Variants in EFCAB11 observed in about 807,000 individuals in gnomAD.
The protein encoded by EFCAB11 is EF-hand calcium binding domain 11.
In EFCAB11, 14 loss-of-function variants were observed where a neutral mutation model predicts 23.0. That is an observed-to-expected ratio of 0.61 (90% CI 0.40 to 0.95). EFCAB11 has a LOEUF of 0.95. Among genes scored for constraint, EFCAB11 ranks in the 40% least tolerant of loss-of-function variants. The probability of loss-of-function intolerance (pLI) is 0.00; values close to 1 mark genes in which losing one functional copy is unlikely to be tolerated. For synonymous variants in EFCAB11, 65 were observed against 66.6 expected (o/e 0.98, Z 0.11); for missense variants, 198 against 195.8 (o/e 1.01, Z -0.07).
At chr14:89,949,449 CT>C in intron 3 of EFCAB11, among the ~76,000 whole-genome samples, 1 of 152,164 alleles carries the variant, frequency 6.6e-6, no homozygotes, top group East Asian at 1.9e-4. Context: ...ATTGCAATCT[CT>C]ACCTCCTCAG....
chr14:89,924,800 T>C, intron 5 of EFCAB11: 1 of 1,091,790 alleles, frequency 9.2e-7, no homozygotes, highest in Non-Finnish European at 1.3e-6. Flanking sequence ...AAAGGACTCT[T>C]TCCTAGTTTA....
At chr14:89,872,490 T>C (rs1190238908) in intron 5 of EFCAB11, among the ~76,000 whole-genome samples, 1 of 152,164 alleles carries the variant, frequency 6.6e-6, no homozygotes, top group African/African-American at 2.4e-5. Flanking sequence ...GCTATTTGAA[T>C]TCAGAATAAC....
chr14:89,858,004 GC>G (rs1463786808), intron 5 of EFCAB11, among the ~76,000 whole-genome samples: 1 of 152,152 alleles, frequency 6.6e-6, no homozygotes, highest in Non-Finnish European at 1.5e-5. Flanking sequence ...CCTGGACAAA[GC>G]ATCTAAGGTA....
intron 5 of EFCAB11, among the ~76,000 whole-genome samples, chr14:89,914,592 C>G (rs913868907): frequency 6.6e-6 from 1 of 152,142 alleles, no homozygotes; most frequent in African/African-American, 2.4e-5. Flanking sequence ...GGAGACTAGC[C>G]TGGCCAACAT....
At chr14:89,890,852 T>C (rs189993893) in intron 5 of EFCAB11, among the ~76,000 whole-genome samples, 1 of 152,324 alleles carries the variant, frequency 6.6e-6, no homozygotes, top group African/African-American at 2.4e-5. Context: ...ATCCAGGACT[T>C]TGCCAATTTG....
At chr14:89,939,172 G>A (rs977673428) in intron 3 of EFCAB11, among the ~76,000 whole-genome samples, 4 of 151,788 alleles carry the variant, frequency 2.6e-5, no homozygotes, top group South Asian at 4.2e-4. Flanking sequence ...CCTTCCTTCC[G>A]TGCACACCGG....
intron 5 of EFCAB11, among the ~76,000 whole-genome samples, chr14:89,840,910 T>C (rs562874008): frequency 2.0e-5 from 3 of 152,334 alleles, no homozygotes; most frequent in Non-Finnish European, 1.5e-5. Context: ...TGTAAAAAGA[T>C]GAGACTGCTG....
Position 89,809,263 on chromosome 14 carries a change from G to A in EFCAB11, c.411-11939C>T, listed in dbSNP as rs114168983. On this transcript the variant is annotated intron_variant, in intron 5 of 5. Coordinates refer to ENST00000316738, the MANE Select transcript of EFCAB11 (RefSeq NM_145231.4). ...CAGGCCAGGAACAGACACTGGCCAC[G>A]AGGGATTTCAATAATGCGTAAATCA... Among the ~76,000 whole-genome samples the A allele has an allele frequency of 6.7e-3, 1,028 of 152,308 alleles. 8 individuals are homozygous for A. The highest frequency in any genetic ancestry group is 0.023 in the African/African-American group (954 of 41,570).
intron 5 of EFCAB11, among the ~76,000 whole-genome samples, chr14:89,833,589 T>C (rs562519559): frequency 2.6e-5 from 4 of 152,180 alleles, no homozygotes; most frequent in African/African-American, 4.8e-5. Flanking sequence ...ATATGGCCCC[T>C]AGGCTGGTGT....
chr14:89,815,151 A>G (rs1886291208), intron 5 of EFCAB11, among the ~76,000 whole-genome samples: 1 of 152,176 alleles, frequency 6.6e-6, no homozygotes, highest in Non-Finnish European at 1.5e-5. Flanking sequence ...AATATGCGGC[A>G]ATTATGACAT....
chr14:89,809,846 T>A (rs1413389008), intron 5 of EFCAB11, among the ~76,000 whole-genome samples: 2 of 152,024 alleles, frequency 1.3e-5, no homozygotes, highest in African/African-American at 4.8e-5. Context: ...GGATAAACAG[T>A]GATTAAAGAC....
intron 5 of EFCAB11, among the ~76,000 whole-genome samples, chr14:89,835,697 G>C (rs1302504745): frequency 6.8e-6 from 1 of 146,958 alleles, no homozygotes; most frequent in East Asian, 2.1e-4. Context: ...GAGTGATCTC[G>C]GTTCACTGCA....
intron 3 of EFCAB11, 93 bp downstream of exon 3, chr14:89,950,004 T>C (rs1891111113): frequency 3.0e-6 from 4 of 1,338,100 alleles, no homozygotes; most frequent in South Asian, 2.7e-5. Flanking sequence ...CCACAACACA[T>C]AGGAATTTGA....
intron 5 of EFCAB11, among the ~76,000 whole-genome samples, chr14:89,847,497 T>C (rs1360927936): frequency 2.0e-5 from 3 of 151,936 alleles, no homozygotes; most frequent in East Asian, 3.9e-4. Flanking sequence ...CCCAGCACTT[T>C]GGGAGGCAGA....
intron 5 of EFCAB11, among the ~76,000 whole-genome samples, chr14:89,816,700 G>A (rs1886348537): frequency 6.6e-6 from 1 of 152,092 alleles, no homozygotes; most frequent in Non-Finnish European, 1.5e-5. Flanking sequence ...TAAACTAGAA[G>A]AGGGTCTTGC....
intron 2 of EFCAB11, chr14:89,952,629 T>C (rs1306902390): frequency 1.0e-6 from 1 of 982,988 alleles, no homozygotes. Context: ...GTCAAGAGAA[T>C]ATATTAATAC....
At chr14:89,934,441 A>T (rs1890509025) in intron 3 of EFCAB11, among the ~76,000 whole-genome samples, 1 of 152,104 alleles carries the variant, frequency 6.6e-6, no homozygotes, top group African/African-American at 2.4e-5. Flanking sequence ...TAAAGAGAGG[A>T]GAAAGTCTGG....
At chr14:89,831,024 G>A (rs190993368) in intron 5 of EFCAB11, 1 of 152,562 alleles carries the variant, frequency 6.6e-6, no homozygotes, top group Admixed American at 6.5e-5. Flanking sequence ...TTATTGGGTG[G>A]AGAAGAGACC....
chr14:89,911,038 G>C (rs899629157), intron 5 of EFCAB11, among the ~76,000 whole-genome samples: 2 of 152,182 alleles, frequency 1.3e-5, no homozygotes, highest in African/African-American at 2.4e-5. Context: ...ATCAGGCTTG[G>C]AGAAAACAGA....
Sources: allele counts gnomAD v4.1 joint callset (sites outside exome capture counted in the v4.1 genomes callset), GRCh38; gene constraint gnomAD v4.1.1; transcripts MANE v1.5; gene names NCBI Gene and HGNC (gene_info 2026-07-23, HGNC 2026-07-21).